Variants in OLFM4 observed in about 807,000 individuals in gnomAD.
OLFM4 encodes olfactomedin 4.
Under a neutral mutation model 25.5 loss-of-function variants are expected in OLFM4, and 22 were observed. The observed-to-expected ratio is 0.86, with a 90% CI of 0.62 to 1.23. OLFM4 has a LOEUF of 1.23. Among genes scored for constraint, OLFM4 ranks in the 50% most tolerant of loss-of-function variants. OLFM4 has a pLI of 0.00. For missense variants in OLFM4, 594 were observed against 619.4 expected (o/e 0.96, Z 0.44); for synonymous variants, 255 against 237.7 (o/e 1.07, Z -0.67).
In OLFM4 at chr13:53,042,519, G is replaced by C. The variant is rs370036259; in HGVS notation, c.570+397G>C. On this transcript the variant is annotated intron_variant, in intron 3 of 4. Coordinates refer to ENST00000219022, the MANE Select transcript of OLFM4 (RefSeq NM_006418.5). Reference sequence around the variant, plus strand: ...ATACCTGATTGTGGTAAAATTGCTAGGTTTGTTTCTCCTTTTGAATAACCT... The same window carrying C: ...ATACCTGATTGTGGTAAAATTGCTACGTTTGTTTCTCCTTTTGAATAACCT... 1.8e-4 allele frequency among the ~76,000 whole-genome samples: 27 copies of C among 152,234 alleles called. No homozygotes were observed. In the South Asian group the frequency reaches 5.4e-3, roughly 30 times the overall value.
chr13:53,029,151 C>T lies in OLFM4; in HGVS notation c.204+111C>T, dbSNP rs148254030. 3,188 of 1,481,436 alleles carry T rather than the reference C, an allele frequency of 2.2e-3. 13 individuals are homozygous for T. The highest frequency in any genetic ancestry group is 3.8e-3 in the Middle Eastern group (15 of 3,964). 91.8% of individuals were successfully genotyped at this position (1,481,436 alleles called of 1,614,324 possible). A position where few individuals can be genotyped will look rare whatever the true frequency, so the allele number is the denominator to read the frequency against. On this transcript the variant is annotated intron_variant, in intron 1 of 4. Transcript: ENST00000219022. The stretch of plus-strand genomic sequence containing the variant: ...AGACCTGGGCACTCTAAAAGATTTA[C>T]GACTCATTTTGTTAACTATAGGTGC...
At chr13:53,031,706 C>G (rs180961704) in intron 1 of OLFM4, among the ~76,000 whole-genome samples, 19 of 152,340 alleles carry the variant, frequency 1.2e-4, no homozygotes, top group African/African-American at 4.3e-4. Flanking sequence ...GAAATTGAGT[C>G]TTAATCATCT....
chr13:53,034,513 T>C lies in OLFM4; in HGVS notation c.357+13T>C. ...AGAACTTTCCAAAGTAAGCATTTTC[T>C]TTTCAAACAATATCTTGATAAAGAG... On this transcript the variant is annotated intron_variant, in intron 2 of 4. Coordinates refer to ENST00000219022, the MANE Select transcript of OLFM4 (RefSeq NM_006418.5). 7 of 1,596,102 alleles carry C rather than the reference T, an allele frequency of 4.4e-6. No individual in the cohort carries two copies. The highest frequency in any genetic ancestry group is 6.0e-6 in the Non-Finnish European group (7 of 1,171,968).
chr13:53,047,789 T>A (rs1010936823), intron 4 of OLFM4, among the ~76,000 whole-genome samples: 3 of 152,324 alleles, frequency 2.0e-5, no homozygotes, highest in Non-Finnish European at 4.4e-5. Flanking sequence ...TTGAGAAGTT[T>A]ATTTTGGTTC....
chr13:53,050,689 A>G lies in OLFM4; in HGVS notation c.1451A>G (p.Asn484Ser), dbSNP rs1269821606. Residue 484 changes from asparagine (N) to serine (S), a missense_variant, in exon 5 of 5, where the codon AAC becomes AGC. Transcript: ENST00000219022. ...MQEKVQSINYNPFDQKLYVYN... is the reference protein window; with the variant it reads ...MQEKVQSINYSPFDQKLYVYN... ...GAAAAAGTGCAGAGCATTAACTATA[A>G]CCCTTTTGACCAGAAACTTTATGTC... 1.9e-6 allele frequency: 3 copies of G among 1,613,444 alleles called. No homozygotes were observed. The Admixed American group carries it at 5.0e-5, about 27-fold the overall frequency.
At chr13:53,049,842 C>A (rs1195690408) in intron 4 of OLFM4, 127 bp from the exon 5 acceptor site, 1 of 970,992 alleles carries the variant, frequency 1.0e-6, no homozygotes, top group South Asian at 1.8e-5. Context: ...CCATCAGAAC[C>A]ACTGTTGTTA....
intron 1 of OLFM4, among the ~76,000 whole-genome samples, chr13:53,030,412 C>T (rs1271787644): frequency 6.6e-6 from 1 of 152,158 alleles, no homozygotes; most frequent in Non-Finnish European, 1.5e-5. Flanking sequence ...AAGCGATTGT[C>T]CCACCTCAGC....
Position 53,050,251 on chromosome 13 carries a change from T to C in OLFM4, c.1013T>C (p.Met338Thr), listed in dbSNP as rs201188294. ...GGTACAGCAGTTTACAACAACAACA[T>C]GTACGTCAACATGTACAACACCGGG... ...GSGTAVYNNN[M>T]YVNMYNTGNI... The change falls in exon 5 of 5, where the codon ATG (methionine) becomes ACG (threonine). Residue 338 changes from methionine (M) to threonine (T), a missense_variant. By Grantham distance (81) the Met-to-Thr change is moderately conservative (BLOSUM62 -1). Coordinates refer to ENST00000219022, the MANE Select transcript of OLFM4 (RefSeq NM_006418.5). The C allele has an allele frequency of 1.9e-6, 3 of 1,614,084 alleles. No individual in the cohort carries two copies. The highest frequency in any genetic ancestry group is 4.5e-5 in the East Asian group (2 of 44,874).
At position 53,050,348 on chromosome 13, in the gene OLFM4, T is replaced by TTA; in HGVS notation, c.1110_1111insTA (p.Asn371Ter). ...AAACTCTCCCTAATGCTGCCTATAATAACCGCTTTTCATATGCTAATGTTG... is the reference window on the plus strand; with the variant it reads ...AAACTCTCCCTAATGCTGCCTATAATTAAACCGCTTTTCATATGCTAATGTTG... On this transcript the variant is annotated frameshift_variant, in exon 5 of 5. Coordinates refer to ENST00000219022, the MANE Select transcript of OLFM4 (RefSeq NM_006418.5). LOFTEE classifies it high-confidence loss of function. 1 of 1,614,092 alleles carries TTA rather than the reference T, an allele frequency of 6.2e-7. No homozygotes were observed. The highest frequency in any genetic ancestry group is 8.5e-7 in the Non-Finnish European group (1 of 1,179,974).
intron 1 of OLFM4, among the ~76,000 whole-genome samples, 159 bp downstream of exon 1, chr13:53,029,199 A>T (rs910946497): frequency 6.6e-6 from 1 of 152,250 alleles, no homozygotes; most frequent in Non-Finnish European, 1.5e-5. Context: ...TTAAAGCCTC[A>T]GTAAAATAAT....
chr13:53,029,167 C>G, intron 1 of OLFM4, 127 bp downstream of exon 1: 2 of 1,341,802 alleles, frequency 1.5e-6, no homozygotes, highest in Non-Finnish European at 2.0e-6. Context: ...ATTTTGTTAA[C>G]TATAGGTGCC....
At chr13:53,029,456 A>G (rs1027006932) in intron 1 of OLFM4, among the ~76,000 whole-genome samples, 1 of 152,210 alleles carries the variant, frequency 6.6e-6, no homozygotes, top group Non-Finnish European at 1.5e-5. Context: ...TGTTAGGGAA[A>G]GACTCTGTGA....
At chr13:53,037,623 G>A (rs536898757) in intron 2 of OLFM4, among the ~76,000 whole-genome samples, 2 of 152,192 alleles carry the variant, frequency 1.3e-5, no homozygotes, top group South Asian at 4.2e-4. Flanking sequence ...CAGTTTACAG[G>A]AAACTAAGGG....
chr13:53,040,577 T>C (rs1954681926), intron 2 of OLFM4, among the ~76,000 whole-genome samples: 1 of 152,222 alleles, frequency 6.6e-6, no homozygotes. Context: ...GTGGCAACGA[T>C]TTTGTCCCCA....
intron 4 of OLFM4, among the ~76,000 whole-genome samples, chr13:53,047,475 C>T (rs370623950): frequency 1.3e-5 from 2 of 152,182 alleles, no homozygotes; most frequent in South Asian, 4.2e-4. Flanking sequence ...AGTTCTCATC[C>T]CCATTTCCAC....
At chr13:53,038,225 C>T (rs1035415232) in intron 2 of OLFM4, among the ~76,000 whole-genome samples, 1 of 152,082 alleles carries the variant, frequency 6.6e-6, no homozygotes, top group African/African-American at 2.4e-5. Context: ...ACTCGCCCAC[C>T]CCCCAGTTAT....
At chr13:53,041,876 G>A (rs1954688452) in intron 2 of OLFM4, 34 bp from the exon 3 acceptor site, 2 of 1,506,314 alleles carry the variant, frequency 1.3e-6, no homozygotes, top group Non-Finnish European at 1.8e-6. Context: ...ATACTACTCA[G>A]GGAATTGGCT....
chr13:53,043,335 A>G, intron 4 of OLFM4, 71 bp downstream of exon 4: 1 of 812,708 alleles, frequency 1.2e-6, no homozygotes, highest in Non-Finnish European at 1.7e-6. Context: ...TGGGGAAGGG[A>G]TTGGGGATTG....
At chr13:53,029,788 C>T (rs928687430) in intron 1 of OLFM4, among the ~76,000 whole-genome samples, 1 of 152,140 alleles carries the variant, frequency 6.6e-6, no homozygotes, top group East Asian at 1.9e-4. Flanking sequence ...TGCATTACAA[C>T]GAGGCTGGTA....
Sources: allele counts gnomAD v4.1 joint callset (sites outside exome capture counted in the v4.1 genomes callset), GRCh38; gene constraint gnomAD v4.1.1; transcripts MANE v1.5; gene names NCBI Gene and HGNC (gene_info 2026-07-23, HGNC 2026-07-21).